CRISP1: variants seen among roughly 807,000 people sequenced by gnomAD.
The protein encoded by CRISP1 is cysteine-rich secretory protein 1.
In CRISP1, 44 loss-of-function variants were observed where a neutral mutation model predicts 33.1. That is an observed-to-expected ratio of 1.33 (90% CI 1.05 to 1.71). The LOEUF is 1.71. Among genes scored for constraint, CRISP1 ranks in the 40% most tolerant of loss-of-function variants. CRISP1 has a pLI of 0.00. For missense variants in CRISP1, 390 were observed against 301.2 expected (o/e 1.29, Z -2.18); for synonymous variants, 103 against 98.7 (o/e 1.04, Z -0.26).
At chr6:49,863,511 A>C (rs1391382588) in intron 1 of CRISP1, among the ~76,000 whole-genome samples, 2 of 152,356 alleles carry the variant, frequency 1.3e-5, no homozygotes, top group Non-Finnish European at 2.9e-5. Flanking sequence ...ATCTTAAGCC[A>C]ATACTCTTAA....
chr6:49,876,132 C>T (rs534344773), intron 1 of CRISP1, among the ~76,000 whole-genome samples: 16 of 152,024 alleles, frequency 1.1e-4, no homozygotes, highest in African/African-American at 2.4e-4. Context: ...AAAATTTTTT[C>T]GGTCTATTCA....
chr6:49,855,944 A>T (rs1408236053), intron 2 of CRISP1, among the ~76,000 whole-genome samples: 1 of 152,190 alleles, frequency 6.6e-6, no homozygotes, highest in South Asian at 2.1e-4. Flanking sequence ...GGTTAAATTT[A>T]TCTTCTTGTT....
chr6:49,869,627 A>G (rs879301221), upstream of CRISP1, among the ~76,000 whole-genome samples: 5 of 152,152 alleles, frequency 3.3e-5, no homozygotes, highest in African/African-American at 4.8e-5. Context: ...ATTCCTCTCA[A>G]GTTAACAGAA....
upstream of CRISP1, among the ~76,000 whole-genome samples, chr6:49,868,282 T>C (rs1771844771): frequency 6.6e-6 from 1 of 152,196 alleles, no homozygotes; most frequent in South Asian, 2.1e-4. Context: ...TCATAGATTG[T>C]TCTCTTTCTG....
At chr6:49,875,655 A>G (rs6920783) in intron 1 of CRISP1, among the ~76,000 whole-genome samples, 5,762 of 152,228 alleles carry the variant, frequency 0.038, 370 homozygotes, top group African/African-American at 0.13. Flanking sequence ...ACTATACTAC[A>G]AGGCTACAGT....
intron 2 of CRISP1, 141 bp from the exon 3 acceptor site, chr6:49,852,270 T>A (rs1469859592): frequency 1.8e-5 from 13 of 715,688 alleles, no homozygotes; most frequent in Non-Finnish European, 2.6e-5. Context: ...TAATGTCTCA[T>A]TATATTGGAT....
At chr6:49,847,426 G>C (rs953690699) in intron 4 of CRISP1, among the ~76,000 whole-genome samples, 2 of 152,026 alleles carry the variant, frequency 1.3e-5, no homozygotes, top group Non-Finnish European at 2.9e-5. Flanking sequence ...GAGTTCTCAT[G>C]AGATCTGGTT....
intron 2 of CRISP1, among the ~76,000 whole-genome samples, chr6:49,855,044 TG>T (rs1256665204): frequency 7.9e-5 from 12 of 152,276 alleles, no homozygotes; most frequent in African/African-American, 2.9e-4. Flanking sequence ...CTTGGTTTAT[TG>T]GCAGCTGACT....
upstream of CRISP1, among the ~76,000 whole-genome samples, chr6:49,869,180 A>G (rs763100643): frequency 8.4e-4 from 128 of 152,256 alleles, no homozygotes; most frequent in Middle Eastern, 6.8e-3. Flanking sequence ...GATTGCAATC[A>G]GTTGTCAGTT....
At chr6:49,868,561 A>G (rs1283520157), upstream of CRISP1, among the ~76,000 whole-genome samples, 1 of 152,162 alleles carries the variant, frequency 6.6e-6, no homozygotes, top group Admixed American at 6.6e-5. Context: ...TATATAATAC[A>G]TGTTGAAGGA....
At chr6:49,856,561 C>T (rs531592878) in intron 2 of CRISP1, among the ~76,000 whole-genome samples, 1 of 152,224 alleles carries the variant, frequency 6.6e-6, no homozygotes, top group Admixed American at 6.6e-5. Flanking sequence ...ACCCTAATAG[C>T]CTAATGCATA....
In CRISP1 at chr6:49,846,600, A is replaced by G. The variant is rs1771179817; in HGVS notation, c.355T>C (p.Trp119Arg). 6.2e-7 allele frequency: 1 copy of G among 1,613,644 alleles called. No individual in the cohort carries two copies. Among genetic ancestry groups the G allele is most frequent in the East Asian group, 2.2e-5 (1 of 44,866 alleles). The change falls in exon 5 of 8, where the codon TGG (tryptophan) becomes CGG (arginine). Residue 119 changes from tryptophan to arginine, a missense_variant. Trp to Arg is a moderately radical substitution (Grantham distance 101, BLOSUM62 -3). Coordinates refer to ENST00000335847, the MANE Select transcript of CRISP1 (RefSeq NM_001131.3). ...TTGAAACTTGTAGACTCACTGTACC[A>G]GACTCCAATTACACTTGACCATGAT... ...PVSWSSVIGV[W>R]YSESTSFKHG...
chr6:49,852,194 C>T, intron 2 of CRISP1, 65 bp from the exon 3 acceptor site: 1 of 1,516,632 alleles, frequency 6.6e-7, no homozygotes, highest in Non-Finnish European at 9.0e-7. Context: ...ATATATTTTG[C>T]AGACCTATAG....
intron 1 of CRISP1, 108 bp from the exon 2 acceptor site, chr6:49,857,510 A>G: frequency 1.0e-6 from 1 of 957,328 alleles, no homozygotes; most frequent in East Asian, 2.7e-5. Flanking sequence ...TTTTCCTAAA[A>G]GAAACCTTTA....
intron 1 of CRISP1, among the ~76,000 whole-genome samples, chr6:49,872,178 T>G (rs972235728): frequency 2.0e-5 from 3 of 152,206 alleles, no homozygotes; most frequent in Admixed American, 1.3e-4. Flanking sequence ...TCATGTGTCT[T>G]TGGGCTGCAT....
At chr6:49,845,017 T>C (rs1470847334) in intron 5 of CRISP1, among the ~76,000 whole-genome samples, 1 of 152,142 alleles carries the variant, frequency 6.6e-6, no homozygotes, top group Admixed American at 6.6e-5. Flanking sequence ...GAATCTATTT[T>C]GCATGTGAGG....
At chr6:49,842,517 A>G (rs553667470) in intron 5 of CRISP1, among the ~76,000 whole-genome samples, 9 of 152,308 alleles carry the variant, frequency 5.9e-5, no homozygotes, top group Middle Eastern at 3.4e-3. Flanking sequence ...AAATTTTTCT[A>G]TGAACATACT....
At chr6:49,874,154 C>A (rs1041958466) in intron 1 of CRISP1, among the ~76,000 whole-genome samples, 5 of 151,884 alleles carry the variant, frequency 3.3e-5, no homozygotes, top group Admixed American at 1.3e-4. Flanking sequence ...AATAATAGAA[C>A]CTTAGCAAGC....
Position 49,835,011 on chromosome 6 carries a change from C to G in CRISP1, c.*305G>C. On this transcript the variant is annotated 3_prime_UTR_variant, in exon 8 of 8. Transcript: ENST00000335847. ...GGGGTGGGAGTTGAACCACATAAGA[C>G]CTATTTTAGCCCAGGTTACTGTTGA... 4.8e-6 allele frequency: 1 copy of G among 210,182 alleles called. No homozygotes were observed. The allele number at this position is 210,182 out of a possible 1,614,324, so 13.0% of individuals were successfully genotyped here. A position where few individuals can be genotyped will look rare whatever the true frequency, so the allele number is the denominator to read the frequency against.
Sources: allele counts gnomAD v4.1 joint callset (sites outside exome capture counted in the v4.1 genomes callset), GRCh38; gene constraint gnomAD v4.1.1; transcripts MANE v1.5; gene names NCBI Gene and HGNC (gene_info 2026-07-23, HGNC 2026-07-21).